The following FBLN1 variants were observed in gnomAD, a reference collection of about 807,000 sequenced individuals.
FBLN1 encodes the protein fibulin 1.
Under a neutral mutation model 89.7 loss-of-function variants are expected in FBLN1, and 34 were observed. That is an observed-to-expected ratio of 0.38 (90% confidence interval 0.29 to 0.50). The LOEUF (loss-of-function observed/expected upper bound fraction) is 0.50. FBLN1 is among the 20% of genes least tolerant of loss of function. The pLI, the probability that FBLN1 is intolerant of heterozygous loss-of-function variation, is 0.92. For missense variants in FBLN1, 777 were observed against 988.1 expected (o/e 0.79, Z 2.86); for synonymous variants, 393 against 391.3 (o/e 1.00, Z -0.05).
intron 1 of FBLN1, chr22:45,517,458 G>T: frequency 6.8e-6 from 3 of 440,424 alleles, no homozygotes; most frequent in South Asian, 3.4e-5. Context: ...CACTGGGGCT[G>T]TAGCCTGGGC....
At chr22:45,519,070 A>AC (rs2088211608) in intron 2 of FBLN1, among the ~76,000 whole-genome samples, 1 of 108,528 alleles carries the variant, frequency 9.2e-6, no homozygotes, top group South Asian at 3.3e-4. Context: ...GCTGTGGGCA[A>AC]GTCAGTTTTC....
In FBLN1 at chr22:45,556,304, A is replaced by G. The variant is rs536865999; in HGVS notation, c.1697+5689A>G. 6.6e-6 allele frequency among the ~76,000 whole-genome samples: 1 copy of G among 152,318 alleles called. No homozygotes were observed. The highest frequency in any genetic ancestry group is 2.1e-4 in the South Asian group (1 of 4,828). On this transcript the variant is annotated intron_variant, in intron 14 of 16. Coordinates refer to ENST00000327858, the MANE Select transcript of FBLN1 (RefSeq NM_006486.3). The surrounding 1 kb of genome is among the most constrained non-coding windows in gnomAD (Gnocchi z 4.6). ...AGCCACAGCACCTGGCCATGTTTTT[A>G]AAAGAAGGAGGAAATACTCACGACA... is the stretch of plus-strand genomic sequence containing the variant.
chr22:45,511,085 GCTT>G (rs552829516), intron 1 of FBLN1, among the ~76,000 whole-genome samples: 168 of 151,870 alleles, frequency 1.1e-3, no homozygotes, highest in African/African-American at 3.6e-3. Flanking sequence ...TAATTTTGAA[GCTT>G]CTGTTTTTTC....
intron 1 of FBLN1, among the ~76,000 whole-genome samples, chr22:45,512,057 C>T (rs1194651253): frequency 6.6e-6 from 1 of 151,974 alleles, no homozygotes; most frequent in Non-Finnish European, 1.5e-5. Flanking sequence ...CTCTCTTGAT[C>T]CCCCACAGCC....
chr22:45,533,846 G>A lies in FBLN1; in HGVS notation c.732G>A (p.Arg244=), dbSNP rs1569243453. 2.5e-6 allele frequency: 4 copies of A among 1,613,994 alleles called. No homozygotes were observed. The South Asian group carries it at 4.4e-5, about 18-fold the overall frequency. Residue 244 remains arginine, a synonymous_variant, in exon 7 of 17, where the codon CGG becomes CGA. Coordinates refer to ENST00000327858, the MANE Select transcript of FBLN1 (RefSeq NM_006486.3). ...INTVGSFRCQ[R]DSSCGTGYEL... is the part of the protein sequence containing the mutation. ...CAGTGGGCTCTTTCCGCTGCCAGCG[G>A]GACAGCAGCTGCGGGACTGGCTATG...
chr22:45,555,823 C>T lies in FBLN1; in HGVS notation c.1697+5208C>T, dbSNP rs1171049449. Among the ~76,000 whole-genome samples, 6 of 152,136 alleles carry T rather than the reference C, an allele frequency of 3.9e-5. No homozygotes were observed. In the South Asian group the frequency reaches 6.2e-4, roughly 16 times the overall value. On this transcript the variant is annotated intron_variant, in intron 14 of 16. Coordinates refer to ENST00000327858, the MANE Select transcript of FBLN1 (RefSeq NM_006486.3). ...ACACCTAACATAACTATACTTCATA[C>T]GACCAGAAACTCACCAATCCCCAAC...
At chr22:45,520,199 AC>A (rs1242831974) in intron 2 of FBLN1, among the ~76,000 whole-genome samples, 1 of 152,140 alleles carries the variant, frequency 6.6e-6, no homozygotes, top group Admixed American at 6.5e-5. Context: ...ATCAGAGATC[AC>A]CTATGAAATC....
At chr22:45,515,050 C>G (rs1248608853) in intron 1 of FBLN1, among the ~76,000 whole-genome samples, 1 of 152,188 alleles carries the variant, frequency 6.6e-6, no homozygotes, top group Non-Finnish European at 1.5e-5. Context: ...GTTCTTAATT[C>G]CATTTGGAGC....
At chr22:45,591,299 T>C (rs2089134296) in intron 16 of FBLN1, among the ~76,000 whole-genome samples, 1 of 152,130 alleles carries the variant, frequency 6.6e-6, no homozygotes, top group Admixed American at 6.5e-5. Context: ...TCGATGTGAG[T>C]GAGCTCTGTG....
intron 10 of FBLN1, 86 bp from the exon 11 acceptor site, chr22:45,543,315 G>T: frequency 6.5e-7 from 1 of 1,530,794 alleles, no homozygotes; most frequent in Non-Finnish European, 8.9e-7. Context: ...GGAGGACAAA[G>T]GACATGAGCT....
rs748672066 is a variant in FBLN1 at position 45,533,845 on chromosome 22, G to A, written c.731G>A (p.Arg244Gln). 5.0e-6 allele frequency: 8 copies of A among 1,614,092 alleles called. No individual in the cohort carries two copies. Among genetic ancestry groups the A allele is most frequent in the Admixed American group, 1.7e-5 (1 of 60,034 alleles). Residue 244 changes from arginine (R) to glutamine (Q), a missense_variant, in exon 7 of 17, where the codon CGG (arginine) becomes CAG (glutamine). Arg to Gln is a conservative substitution (Grantham distance 43). Transcript: ENST00000327858. ...INTVGSFRCQ[R>Q]DSSCGTGYEL... ...ACAGTGGGCTCTTTCCGCTGCCAGC[G>A]GGACAGCAGCTGCGGGACTGGCTAT...
At chr22:45,546,605 A>G (rs1300924180) in intron 11 of FBLN1, among the ~76,000 whole-genome samples, 2 of 152,214 alleles carry the variant, frequency 1.3e-5, no homozygotes, top group Non-Finnish European at 2.9e-5. Context: ...TGCTTTAGGT[A>G]AAGGGGACAG....
chr22:45,598,928 A>T lies in FBLN1; in HGVS notation c.1973-1379A>T, dbSNP rs1267405293. On this transcript the variant is annotated intron_variant, in intron 16 of 16. Transcript: ENST00000327858. ...TCAGCCTCTCCGCAGTGCAGTGAGG[A>T]CTGTCCCATACTCTCACTGCGTACA... Among the ~76,000 whole-genome samples, 4 of 152,264 alleles carry T rather than the reference A, an allele frequency of 2.6e-5. No individual in the cohort carries two copies. The East Asian group carries it at 7.7e-4, about 29-fold the overall frequency.
In FBLN1 at chr22:45,503,039, C is replaced by A; in HGVS notation, c.54C>A (p.Gly18=). 8.0e-7 allele frequency: 1 copy of A among 1,249,200 alleles called. No homozygotes were observed. The highest frequency in any genetic ancestry group is 1.0e-6 in the Non-Finnish European group (1 of 997,116). 77.4% of individuals were successfully genotyped at this position (1,249,200 alleles called of 1,614,324 possible). A position where few individuals can be genotyped will look rare whatever the true frequency, so the allele number is the denominator to read the frequency against. ...RRVPLPLLLL[G]GLALLAAGVD... Reference sequence around the variant, plus strand: ...TCCCGCTTCCGCTGCTGCTGCTCGGCGGCCTTGCGCTGCTGGCGGCCGGAG... The same window carrying A: ...TCCCGCTTCCGCTGCTGCTGCTCGGAGGCCTTGCGCTGCTGGCGGCCGGAG... The change falls in exon 1 of 17, where the codon GGC becomes GGA. Residue 18 remains glycine (G), a synonymous_variant. Coordinates refer to ENST00000327858, the MANE Select transcript of FBLN1 (RefSeq NM_006486.3).
rs78488153 is a variant in FBLN1, at chr22:45,518,795, T to C, written c.185+8T>C. ...GGAATCCAAAGAATGCAGGTACGTT[T>C]GCCAGTGGCCACTGTTTCACTGGAA... On this transcript the variant is annotated splice_region_variant and intron_variant, in intron 2 of 16. Coordinates refer to ENST00000327858, the MANE Select transcript of FBLN1 (RefSeq NM_006486.3). 0.1 allele frequency: 162,870 copies of C among 1,597,416 alleles called. 13,408 individuals are homozygous for C. The highest frequency in any genetic ancestry group is 0.45 in the African/African-American group (33,423 of 74,548).
rs1003892599 is a variant in FBLN1 at position 45,562,099 on chromosome 22, G to A, written c.1697+11484G>A. ...ACTTTGTATCCTTCAATCCAATCAA[G>A]TTGACACTATTAACCATCACAGGAC... On this transcript the variant is annotated intron_variant, in intron 14 of 16. Coordinates refer to ENST00000327858, the MANE Select transcript of FBLN1 (RefSeq NM_006486.3). This position sits in a 1 kb window ranked among gnomAD's most constrained non-coding sequence, Gnocchi z 7.8. 2.6e-5 allele frequency among the ~76,000 whole-genome samples: 4 copies of A among 152,154 alleles called. No individual in the cohort carries two copies. Among genetic ancestry groups the A allele is most frequent in the African/African-American group, 4.8e-5 (2 of 41,424 alleles).
rs749983754 is a variant in FBLN1, at chr22:45,523,220, C to G, written c.186-2323C>G. On this transcript the variant is annotated intron_variant, in intron 2 of 16. Coordinates refer to ENST00000327858, the MANE Select transcript of FBLN1 (RefSeq NM_006486.3). ...AGAGGAGAGGGTGTGTACAGCAAGG[C>G]GGCCAGGGTGGCTGGAGTGGAGCCA... is the stretch of plus-strand genomic sequence containing the variant. The G allele has an allele frequency of 9.2e-6, 7 of 762,866 alleles. No homozygotes were observed. In the Middle Eastern group the frequency reaches 1.4e-3, roughly 151 times the overall value. The allele number at this position is 762,866 out of a possible 1,614,324, so 47.3% of individuals were successfully genotyped here. A position where few individuals can be genotyped will look rare whatever the true frequency, so the allele number is the denominator to read the frequency against.
chr22:45,505,756 A>G (rs898745813), intron 1 of FBLN1, among the ~76,000 whole-genome samples: 2 of 152,114 alleles, frequency 1.3e-5, no homozygotes, highest in Admixed American at 6.5e-5. Context: ...CATGGCAGCT[A>G]TATTATTATT....
intron 14 of FBLN1, among the ~76,000 whole-genome samples, chr22:45,566,146 AGGGGC>A (rs1458279726): frequency 6.6e-6 from 1 of 152,200 alleles, no homozygotes; most frequent in Non-Finnish European, 1.5e-5. Context: ...TCCATTTGTC[AGGGGC>A]GGGATTACTC....
Sources: allele counts gnomAD v4.1 joint callset (sites outside exome capture counted in the v4.1 genomes callset), GRCh38; gene constraint gnomAD v4.1.1; non-coding constraint Gnocchi (gnomAD v3.1); transcripts MANE v1.5; gene names NCBI Gene and HGNC (gene_info 2026-07-23, HGNC 2026-07-21).